GRID1: variants seen among roughly 807,000 people sequenced by gnomAD.
GRID1 encodes the protein glutamate receptor ionotropic, delta-1.
GRID1 carries 28 observed loss-of-function variants against 98.0 expected under a neutral mutation model. That is an observed-to-expected ratio of 0.29 (90% CI 0.21 to 0.39). GRID1 has a LOEUF of 0.39. Ranked by LOEUF, GRID1 falls within the 10% of genes least tolerant of loss-of-function variation. The pLI is 1.00. For missense variants in GRID1, 1,111 were observed against 1,340.5 expected, an observed-to-expected ratio of 0.83 and a Z score of 2.67; for synonymous variants, 553 against 538.5, an observed-to-expected ratio of 1.03 and a Z score of -0.37.
At chr10:85,745,811 T>A (rs982887524) in intron 8 of GRID1, among the ~76,000 whole-genome samples, 4 of 151,560 alleles carry the variant, frequency 2.6e-5, no homozygotes, top group Non-Finnish European at 5.9e-5. Flanking sequence ...AAGAGAGACA[T>A]TTAGATCCCT....
At position 86,201,549 on chromosome 10, in the gene GRID1, G is replaced by C. The variant is rs188109441; in HGVS notation, c.520+4815C>G. Among the ~76,000 whole-genome samples the C allele has an allele frequency of 1.1e-3, 170 of 152,212 alleles. 1 individual carries two copies. The highest frequency in any genetic ancestry group is 2.4e-4 in the Non-Finnish European group (16 of 68,018). On this transcript the variant is annotated intron_variant, in intron 3 of 15. Coordinates refer to ENST00000327946, the MANE Select transcript of GRID1 (RefSeq NM_017551.3). ...ATGGGAGGGTGGAGAGTGGAGGGTA[G>C]GAGGAGAGAGAGGATCAAGAAAAAC... is the stretch of plus-strand genomic sequence containing the variant.
chr10:85,841,807 A>G (rs1479823127), intron 8 of GRID1, among the ~76,000 whole-genome samples: 2 of 152,196 alleles, frequency 1.3e-5, no homozygotes, highest in Non-Finnish European at 2.9e-5. Flanking sequence ...AATGGCTATT[A>G]TGAAAAAGTC....
intron 13 of GRID1, among the ~76,000 whole-genome samples, chr10:85,630,727 T>C (rs1245511302): frequency 6.6e-6 from 1 of 152,292 alleles, no homozygotes; most frequent in Middle Eastern, 3.4e-3. Context: ...GAAGAACTTA[T>C]AAGAAATGTA....
chr10:85,996,287 T>A (rs1427834981), intron 4 of GRID1, among the ~76,000 whole-genome samples: 1 of 152,152 alleles, frequency 6.6e-6, no homozygotes, highest in Non-Finnish European at 1.5e-5. Context: ...TGGCAAAGGC[T>A]TTAAAGTAAC....
intron 13 of GRID1, chr10:85,644,017 T>TAATGACTCA (rs1239715603): frequency 1.3e-5 from 2 of 152,170 alleles, no homozygotes; most frequent in African/African-American, 4.8e-5. Flanking sequence ...GGTGTTTCTC[T>TAATGACTCA]AATGACTCAT....
intron 8 of GRID1, among the ~76,000 whole-genome samples, chr10:85,817,540 T>TA (rs908915311): frequency 6.6e-5 from 10 of 150,418 alleles, no homozygotes; most frequent in Admixed American, 6.6e-5. Context: ...ATAACAACAT[T>TA]AAAAAAAATT....
intron 4 of GRID1, among the ~76,000 whole-genome samples, chr10:85,936,000 C>G (rs1482956857): frequency 6.6e-6 from 1 of 152,146 alleles, no homozygotes; most frequent in Non-Finnish European, 1.5e-5. Flanking sequence ...ACAAACATAA[C>G]TGATATCATG....
chr10:85,669,727 G>GC (rs1210194322), intron 12 of GRID1, among the ~76,000 whole-genome samples: 1 of 152,122 alleles, frequency 6.6e-6, no homozygotes, highest in Non-Finnish European at 1.5e-5. Flanking sequence ...TTATCCTGAG[G>GC]CCCCCTTCTG....
chr10:86,086,977 T>C (rs1372004735), intron 4 of GRID1, among the ~76,000 whole-genome samples: 1 of 152,232 alleles, frequency 6.6e-6, no homozygotes, highest in African/African-American at 2.4e-5. Context: ...GCACTGTCGT[T>C]GTTTTAAGTT....
intron 8 of GRID1, among the ~76,000 whole-genome samples, chr10:85,825,675 CAAGTT>C (rs1253693019): frequency 1.3e-5 from 2 of 152,066 alleles, no homozygotes; most frequent in East Asian, 1.9e-4. Flanking sequence ...CAAAAGGTAA[CAAGTT>C]AATACAGGGG....
intron 13 of GRID1, among the ~76,000 whole-genome samples, chr10:85,637,559 ACATT>A (rs1396626203): frequency 6.6e-6 from 1 of 152,224 alleles, no homozygotes; most frequent in Non-Finnish European, 1.5e-5. Flanking sequence ...AGGAAGCTAC[ACATT>A]TAGTAGAAAT....
chr10:85,780,590 G>A (rs563682288), intron 8 of GRID1, among the ~76,000 whole-genome samples: 4 of 152,300 alleles, frequency 2.6e-5, no homozygotes, highest in Middle Eastern at 3.4e-3. Context: ...GTACTGAGCC[G>A]ATGTTTTCGA....
chr10:85,630,938 G>A (rs147598311), intron 13 of GRID1, among the ~76,000 whole-genome samples: 3 of 152,164 alleles, frequency 2.0e-5, no homozygotes, highest in South Asian at 2.1e-4. Context: ...AAGCTCTAGG[G>A]TGTTGAATTG....
intron 5 of GRID1, among the ~76,000 whole-genome samples, chr10:85,899,957 A>C (rs1399601146): frequency 2.6e-5 from 4 of 152,170 alleles, no homozygotes; most frequent in African/African-American, 9.7e-5. Flanking sequence ...CATAATATTC[A>C]TTTGGGATTC....
chr10:85,930,181 T>G (rs183789687), intron 4 of GRID1, among the ~76,000 whole-genome samples: 2,395 of 151,936 alleles, frequency 0.016, 59 homozygotes, highest in African/African-American at 0.056. Flanking sequence ...TTGCGGTTAT[T>G]TATAACTACA....
chr10:85,749,250 T>A (rs1842024527), intron 8 of GRID1, among the ~76,000 whole-genome samples: 1 of 152,178 alleles, frequency 6.6e-6, no homozygotes. Flanking sequence ...GGTCTCTTGC[T>A]TCTGGCTCAG....
chr10:85,875,859 T>A (rs906663097), intron 5 of GRID1, among the ~76,000 whole-genome samples: 1 of 152,212 alleles, frequency 6.6e-6, no homozygotes, highest in Non-Finnish European at 1.5e-5. Context: ...ATGTAACCAA[T>A]ATTCATTAGT....
At chr10:86,317,033 G>A (rs936302848) in intron 2 of GRID1, among the ~76,000 whole-genome samples, 1 of 152,142 alleles carries the variant, frequency 6.6e-6, no homozygotes, top group Admixed American at 6.5e-5. Context: ...TCTGATCCAC[G>A]TGGCCCTAGG....
chr10:85,790,288 G>A (rs931193664), intron 8 of GRID1, among the ~76,000 whole-genome samples: 5 of 152,278 alleles, frequency 3.3e-5, no homozygotes, highest in Non-Finnish European at 5.9e-5. Context: ...AAATATAGAC[G>A]GAACAAGAGA....
Sources: allele counts gnomAD v4.1 joint callset (sites outside exome capture counted in the v4.1 genomes callset), GRCh38; gene constraint gnomAD v4.1.1; transcripts MANE v1.5; gene names NCBI Gene and HGNC (gene_info 2026-07-23, HGNC 2026-07-21).